Variants in POU6F2 observed in about 807,000 individuals in gnomAD.
The protein encoded by POU6F2 is POU class 6 homeobox 2, also known as POU domain, class 6, transcription factor 2.
POU6F2 carries 31 observed loss-of-function variants against 71.3 expected under a neutral mutation model. The ratio of observed to expected loss-of-function variants is 0.43; its 90% CI spans 0.33 to 0.59. The LOEUF (loss-of-function observed/expected upper bound fraction) is 0.59. Ranked by LOEUF, POU6F2 falls within the 20% of genes least tolerant of loss-of-function variation. POU6F2 has a pLI of 0.04. For missense variants in POU6F2, 783 were observed against 856.8 expected (o/e 0.91, Z 1.07); for synonymous variants, 347 against 355.7 (o/e 0.98, Z 0.27).
At chr7:39,014,574 A>G (rs935557537) in intron 1 of POU6F2, among the ~76,000 whole-genome samples, 1 of 152,206 alleles carries the variant, frequency 6.6e-6, no homozygotes, top group Non-Finnish European at 1.5e-5. Flanking sequence ...CACCTGATAA[A>G]TCCTTGTGAA....
At chr7:39,147,182 A>T (rs1037877865) in intron 2 of POU6F2, among the ~76,000 whole-genome samples, 7 of 152,212 alleles carry the variant, frequency 4.6e-5, no homozygotes, top group East Asian at 1.9e-4. Flanking sequence ...GTTATTATTT[A>T]AAAAATTCTT....
intron 2 of POU6F2, 75 bp downstream of exon 2, chr7:39,086,106 CT>C: frequency 4.9e-6 from 7 of 1,417,232 alleles, no homozygotes; most frequent in African/African-American, 1.4e-5. Context: ...CCAACCCCCC[CT>C]TTTTTTCTGT....
At chr7:39,321,728 T>G (rs1785396275) in intron 4 of POU6F2, among the ~76,000 whole-genome samples, 1 of 152,008 alleles carries the variant, frequency 6.6e-6, no homozygotes, top group African/African-American at 2.4e-5. Context: ...TTCCCCAGCC[T>G]AATGCAGGTG....
intron 2 of POU6F2, among the ~76,000 whole-genome samples, chr7:39,135,147 T>C (rs1792364726): frequency 6.6e-6 from 1 of 152,158 alleles, no homozygotes; most frequent in Non-Finnish European, 1.5e-5. Context: ...AACAAAAATA[T>C]ATGCCAAGAT....
intron 8 of POU6F2, among the ~76,000 whole-genome samples, chr7:39,458,936 C>T (rs1199810571): frequency 6.6e-6 from 1 of 152,054 alleles, no homozygotes; most frequent in Non-Finnish European, 1.5e-5. Context: ...TAGATGAATC[C>T]TCCCTCCTCT....
intron 1 of POU6F2, among the ~76,000 whole-genome samples, chr7:39,027,719 C>T (rs1203453693): frequency 2.6e-5 from 4 of 152,170 alleles, no homozygotes; most frequent in African/African-American, 9.7e-5. Context: ...ATCAAATCTC[C>T]TTCTCTTCCC....
chr7:39,384,823 C>T (rs1786902669), intron 5 of POU6F2, among the ~76,000 whole-genome samples: 2 of 152,146 alleles, frequency 1.3e-5, no homozygotes, highest in Admixed American at 1.3e-4. Flanking sequence ...TTGTCTCTCC[C>T]GCAGCTCCTC....
At chr7:39,192,572 A>G (rs2128743429) in intron 2 of POU6F2, among the ~76,000 whole-genome samples, 1 of 152,340 alleles carries the variant, frequency 6.6e-6, no homozygotes, top group South Asian at 2.1e-4. Context: ...TGTGTTTTAA[A>G]AAGGATAAAT....
At chr7:39,301,852 C>T (rs1042462519) in intron 4 of POU6F2, among the ~76,000 whole-genome samples, 4 of 152,108 alleles carry the variant, frequency 2.6e-5, no homozygotes, top group Non-Finnish European at 1.5e-5. Flanking sequence ...AACTTAATCA[C>T]ACAGACATAC....
At chr7:39,102,167 C>G (rs564978614) in intron 2 of POU6F2, among the ~76,000 whole-genome samples, 1 of 152,166 alleles carries the variant, frequency 6.6e-6, no homozygotes, top group African/African-American at 2.4e-5. Flanking sequence ...AATATCTTGA[C>G]GTGCTGTCTA....
Position 39,085,920 on chromosome 7 carries a change from G to C in POU6F2, c.166G>C (p.Ala56Pro). The C allele has an allele frequency of 6.2e-7, 1 of 1,613,678 alleles. No individual in the cohort carries two copies. The highest frequency in any genetic ancestry group is 8.5e-7 in the Non-Finnish European group (1 of 1,179,792). The change falls in exon 2 of 10, where the codon GCG becomes CCG. Residue 56 changes from alanine to proline, a missense_variant. Physicochemically the swap from Ala to Pro is conservative, Grantham distance 27 (BLOSUM62 -1). This residue lies in a region of POU6F2 where 572 missense variants were observed against 572.9 expected (regional missense o/e 1.00). Transcript: ENST00000518318. The part of the protein sequence containing the change: ...PLLSVRSEMN[A>P]ELRGEDKAAT... ...GCTGTCAGTGCGGAGTGAAATGAAT[G>C]CGGAGTTGAGAGGTGAGGACAAGGC...
intron 2 of POU6F2, among the ~76,000 whole-genome samples, chr7:39,154,480 G>C (rs1792825136): frequency 6.6e-6 from 1 of 152,186 alleles, no homozygotes; most frequent in Non-Finnish European, 1.5e-5. Context: ...TCATGTGTCT[G>C]AGCATTATGT....
chr7:39,196,767 A>G (rs183448603), intron 2 of POU6F2, among the ~76,000 whole-genome samples: 234 of 152,322 alleles, frequency 1.5e-3, no homozygotes, highest in African/African-American at 5.2e-3. Context: ...TCAAGAAAAA[A>G]AAAAAGAAAA....
chr7:38,998,838 T>TTTTTTTTTTTTTTTTTTG (rs869182741), intron 1 of POU6F2, among the ~76,000 whole-genome samples: 2 of 141,330 alleles, frequency 1.4e-5, no homozygotes, highest in Non-Finnish European at 1.5e-5. Context: ...TTTTTTTTTT[T>TTTTTTTTTTTTTTTTTTG]TATTTTCAGT....
chr7:39,398,885 A>C (rs914624106), intron 5 of POU6F2, among the ~76,000 whole-genome samples: 3 of 152,214 alleles, frequency 2.0e-5, no homozygotes, highest in African/African-American at 7.2e-5. Context: ...CAACAACCCT[A>C]CAATGTCATT....
At chr7:39,133,874 AT>A in intron 2 of POU6F2, among the ~76,000 whole-genome samples, 1 of 152,094 alleles carries the variant, frequency 6.6e-6, no homozygotes, top group East Asian at 1.9e-4. Context: ...AAATGCATAA[AT>A]TTTTTTCTTT....
chr7:39,380,040 C>A (rs1046898896), intron 5 of POU6F2, among the ~76,000 whole-genome samples: 3 of 152,132 alleles, frequency 2.0e-5, no homozygotes, highest in African/African-American at 7.2e-5. Context: ...TAGAAATGAT[C>A]TATTCATCCC....
chr7:39,443,268 C>A (rs893751390), intron 7 of POU6F2, among the ~76,000 whole-genome samples: 6 of 152,272 alleles, frequency 3.9e-5, no homozygotes, highest in Admixed American at 2.6e-4. Flanking sequence ...CAAAGTACAC[C>A]CCAATCAACA....
At chr7:39,307,289 A>T (rs2128766086) in intron 4 of POU6F2, among the ~76,000 whole-genome samples, 1 of 152,352 alleles carries the variant, frequency 6.6e-6, no homozygotes. Context: ...CTCTTTAAGA[A>T]AAAGAGTACC....
Sources: gnomAD v4.1 joint callset for allele counts (sites outside exome capture counted in the v4.1 genomes callset) on GRCh38, gnomAD v4.1.1 for gene constraint, gnomAD v4.1.1 regional missense constraint, MANE v1.5 for transcripts, NCBI Gene and HGNC (gene_info 2026-07-23, HGNC 2026-07-21) for gene names.